ACTR3C: variants seen among roughly 807,000 people sequenced by gnomAD.
The protein encoded by ACTR3C is actin-related protein 3C.
Under a neutral mutation model 26.3 loss-of-function variants are expected in ACTR3C, and 18 were observed. That is an observed-to-expected ratio of 0.68 (90% CI 0.47 to 1.01). The LOEUF (loss-of-function observed/expected upper bound fraction) is 1.01. Among genes scored for constraint, ACTR3C ranks in the 50% least tolerant of loss-of-function variants. The probability of loss-of-function intolerance (pLI) is 0.00; values close to 1 mark genes in which losing one functional copy is unlikely to be tolerated. For missense variants in ACTR3C, 184 were observed against 250.7 expected, an observed-to-expected ratio of 0.73 and a Z score of 1.80; for synonymous variants, 55 against 94.5, an observed-to-expected ratio of 0.58 and a Z score of 2.42.
At chr7:149,942,437 A>T in the ACTR3C span, among the ~76,000 whole-genome samples, 1 of 152,168 alleles carries the variant, frequency 6.6e-6, no homozygotes, top group Non-Finnish European at 1.5e-5. Context: ...GGATTGCATC[A>T]GTAATATTTT....
the ACTR3C span, among the ~76,000 whole-genome samples, chr7:150,135,832 GA>G: frequency 6.8e-6 from 1 of 147,926 alleles, no homozygotes; most frequent in Non-Finnish European, 1.5e-5. Flanking sequence ...GAAAAGAAAA[GA>G]AAGGAAAGAA....
chr7:150,214,637 A>G, the ACTR3C span, among the ~76,000 whole-genome samples: 1 of 152,112 alleles, frequency 6.6e-6, no homozygotes, highest in Middle Eastern at 3.2e-3. Flanking sequence ...ACCGAAAAAA[A>G]GTTTGACAAG....
chr7:150,059,357 C>A, the ACTR3C span, among the ~76,000 whole-genome samples: 1 of 152,196 alleles, frequency 6.6e-6, no homozygotes, highest in South Asian at 2.1e-4. Context: ...AATCATCAAG[C>A]CTTCCCACCT....
At chr7:150,081,893 T>G in the ACTR3C span, among the ~76,000 whole-genome samples, 3 of 151,804 alleles carry the variant, frequency 2.0e-5, no homozygotes, top group Admixed American at 2.0e-4. Context: ...GAAGCTCATC[T>G]GCAAGAAGCC....
At chr7:150,042,341 G>A in the ACTR3C span, among the ~76,000 whole-genome samples, 2 of 124,392 alleles carry the variant, frequency 1.6e-5, no homozygotes, top group African/African-American at 3.3e-5. Flanking sequence ...CTGCCTCGCG[G>A]GGGGTGCCTC....
chr7:150,307,703 A>G (rs1003448278), intron 1 of ACTR3C, among the ~76,000 whole-genome samples: 4 of 152,146 alleles, frequency 2.6e-5, no homozygotes, highest in Non-Finnish European at 5.9e-5. Context: ...GGCGCTTGAC[A>G]TTTGGTGCCA....
At chr7:150,045,564 GAAAA>G in the ACTR3C span, among the ~76,000 whole-genome samples, 23 of 115,242 alleles carry the variant, frequency 2.0e-4, no homozygotes, top group African/African-American at 7.3e-4. Flanking sequence ...GTATTTTCCA[GAAAA>G]AAAAAAAAAA....
At chr7:150,300,821 G>A (rs1419404138) in intron 1 of ACTR3C, among the ~76,000 whole-genome samples, 3 of 151,356 alleles carry the variant, frequency 2.0e-5, no homozygotes, top group Admixed American at 6.6e-5. Flanking sequence ...GCGCCTACTC[G>A]GGCTGAGGAG....
the ACTR3C span, among the ~76,000 whole-genome samples, chr7:150,094,165 T>C: frequency 6.6e-6 from 1 of 150,538 alleles, no homozygotes; most frequent in Non-Finnish European, 1.5e-5. Flanking sequence ...AGACCTCCAT[T>C]TGTTGAGCCC....
At chr7:150,219,161 G>A in the ACTR3C span, among the ~76,000 whole-genome samples, 3 of 146,448 alleles carry the variant, frequency 2.0e-5, no homozygotes, top group African/African-American at 5.5e-5. Flanking sequence ...CTTCAACTCC[G>A]AACAAGTAGA....
the ACTR3C span, among the ~76,000 whole-genome samples, chr7:150,198,617 C>A: frequency 6.7e-6 from 1 of 150,092 alleles, no homozygotes; most frequent in Non-Finnish European, 1.5e-5. Flanking sequence ...GCAGCCGCCC[C>A]GTCTGAGAAG....
chr7:150,319,190 G>A (rs560320840), intron 1 of ACTR3C, among the ~76,000 whole-genome samples: 7 of 149,736 alleles, frequency 4.7e-5, no homozygotes, highest in African/African-American at 1.7e-4. Flanking sequence ...CACAGCATTT[G>A]TAAAATTGCT....
the ACTR3C span, among the ~76,000 whole-genome samples, chr7:149,972,149 G>A: frequency 7.9e-5 from 12 of 152,272 alleles, no homozygotes; most frequent in South Asian, 8.3e-4. Context: ...CACCGGCCCT[G>A]CACACTTACC....
the ACTR3C span, among the ~76,000 whole-genome samples, chr7:150,205,798 A>C: frequency 1.3e-5 from 2 of 151,526 alleles, no homozygotes; most frequent in African/African-American, 4.9e-5. Context: ...TTAGAAAATA[A>C]TTCAGAAGAA....
the ACTR3C span, among the ~76,000 whole-genome samples, chr7:149,925,799 C>T: frequency 6.6e-6 from 1 of 152,022 alleles, no homozygotes; most frequent in Non-Finnish European, 1.5e-5. Context: ...CAGTGGCTCA[C>T]ATCTATAATC....
chr7:150,036,234 G>T, the ACTR3C span, among the ~76,000 whole-genome samples: 1 of 121,610 alleles, frequency 8.2e-6, no homozygotes, highest in East Asian at 2.3e-4. Flanking sequence ...AAAATGGGGG[G>T]CCTTTATGTT....
At chr7:150,082,761 A>G in the ACTR3C span, among the ~76,000 whole-genome samples, 3 of 149,978 alleles carry the variant, frequency 2.0e-5, no homozygotes, top group Non-Finnish European at 4.5e-5. Context: ...ATGCTTTATG[A>G]CTCTCTTTGT....
At chr7:150,298,974 C>CTTT (rs550994860) in intron 1 of ACTR3C, among the ~76,000 whole-genome samples, 99 of 82,508 alleles carry the variant, frequency 1.2e-3, no homozygotes, top group Middle Eastern at 9.1e-3. Context: ...GTAATGAAAA[C>CTTT]TTTTTTTTTT....
chr7:150,076,260 C>G, the ACTR3C span, among the ~76,000 whole-genome samples: 2 of 151,860 alleles, frequency 1.3e-5, no homozygotes, highest in African/African-American at 4.8e-5. Flanking sequence ...GTGTCTCCAA[C>G]AAGCCTAGTC....
Sources: allele counts gnomAD v4.1 joint callset (sites outside exome capture counted in the v4.1 genomes callset), GRCh38; gene constraint gnomAD v4.1.1; transcripts MANE v1.5; gene names NCBI Gene and HGNC (gene_info 2026-07-23, HGNC 2026-07-21).